ZC3H4: variants seen among roughly 807,000 people sequenced by gnomAD.
ZC3H4 encodes zinc finger CCCH-type containing 4, also known as zinc finger CCCH domain-containing protein 4.
A neutral mutation model predicts 108.3 loss-of-function variants in ZC3H4; 13 were observed. That is an observed-to-expected ratio of 0.12 (90% CI 0.08 to 0.19). The LOEUF (loss-of-function observed/expected upper bound fraction) is 0.19. ZC3H4 is among the 10% of genes least tolerant of loss of function. The probability of loss-of-function intolerance (pLI) is 1.00; values close to 1 mark genes in which losing one functional copy is unlikely to be tolerated. For synonymous variants in ZC3H4, 917 were observed against 749.6 expected (o/e 1.22, Z -3.65); for missense variants, 1,734 against 1,838.8 (o/e 0.94, Z 1.04).
chr19:47,084,967 G>T, intron 8 of ZC3H4, 89 bp downstream of exon 8: 1 of 1,543,784 alleles, frequency 6.5e-7, no homozygotes, highest in Non-Finnish European at 8.8e-7. Flanking sequence ...TGGCAGCAAG[G>T]ATCAGCTTCA....
At position 47,067,817 on chromosome 19, in the gene ZC3H4, G is replaced by A. The variant is rs1287342297; in HGVS notation, c.2451C>T (p.Val817=). The A allele has an allele frequency of 6.2e-7, 1 of 1,608,372 alleles. No homozygotes were observed. Among genetic ancestry groups the A allele is most frequent in the Non-Finnish European group, 8.5e-7 (1 of 1,178,006 alleles). Residue 817 remains valine, a synonymous_variant, in exon 15 of 15, where the codon GTC becomes GTT. Coordinates refer to ENST00000253048, the MANE Select transcript of ZC3H4 (RefSeq NM_015168.2). The surrounding 1 kb of genome is among the most constrained non-coding windows in gnomAD (Gnocchi z 6.4). ...SSDEDEGGSS[V]TSILKTLRQQ... is the part of the protein sequence containing the mutation. ...GCCTCAAGGTCTTCAGGATGGAGGT[G>A]ACACTGCTTCCACCCTCATCCTCAT...
At chr19:47,070,868 C>T (rs1332201494) in intron 13 of ZC3H4, among the ~76,000 whole-genome samples, 1 of 152,186 alleles carries the variant, frequency 6.6e-6, no homozygotes, top group African/African-American at 2.4e-5. Context: ...CACGGGGCTC[C>T]CACTGCCCCA....
chr19:47,071,717 A>C, intron 13 of ZC3H4, 61 bp downstream of exon 13: 1 of 1,507,980 alleles, frequency 6.6e-7, no homozygotes, highest in East Asian at 2.3e-5. Context: ...ACATCTCCCC[A>C]ACTCTGCTCC....
At position 47,067,600 on chromosome 19, in the gene ZC3H4, G is replaced by A. The variant is rs760468969; in HGVS notation, c.2668C>T (p.Pro890Ser). 7 of 1,606,582 alleles carry A rather than the reference G, an allele frequency of 4.4e-6. No homozygotes were observed. Among genetic ancestry groups the A allele is most frequent in the Admixed American group, 3.4e-5 (2 of 59,446 alleles). The change falls in exon 15 of 15, where the codon CCT becomes TCT. Residue 890 changes from proline to serine, a missense_variant. Physicochemically the swap from Pro to Ser is moderately conservative, Grantham distance 74 (BLOSUM62 -1). Around this residue, in one of 9 missense-constraint regions of ZC3H4, gnomAD observed 540 missense variants for 484.1 expected, o/e 1.12. Coordinates refer to ENST00000253048, the MANE Select transcript of ZC3H4 (RefSeq NM_015168.2). The surrounding 1 kb of genome is among the most constrained non-coding windows in gnomAD (Gnocchi z 6.4). ...GTGGGCAGGGCGCGAGCCAGCCGAG[G>A]ATCGGAGGGTCCCGAATCACCTGGG... ...SGPGDSGPSD[P>S]RLARALPTSK...
chr19:47,112,193 G>A (rs1253545692), intron 2 of ZC3H4: 1 of 1,210,108 alleles, frequency 8.3e-7, no homozygotes, highest in Admixed American at 4.3e-5. Context: ...GAGAGCGAGG[G>A]AGAGCGGGCG....
intron 9 of ZC3H4, 94 bp from the exon 10 acceptor site, chr19:47,082,389 C>T: frequency 1.1e-6 from 1 of 923,244 alleles, no homozygotes; most frequent in Non-Finnish European, 1.8e-6. Flanking sequence ...ACTGCTGGTG[C>T]ATGGAGGGGC....
At chr19:47,103,825 T>C (rs1244824288) in intron 2 of ZC3H4, among the ~76,000 whole-genome samples, 2 of 150,068 alleles carry the variant, frequency 1.3e-5, no homozygotes, top group Non-Finnish European at 3.0e-5. Context: ...GCGCCTGTAG[T>C]CCCAGCTACT....
Position 47,066,983 on chromosome 19 carries a change from G to A in ZC3H4, c.3285C>T (p.Ala1095=), listed in dbSNP as rs746350746. 2.5e-6 allele frequency: 4 copies of A among 1,589,394 alleles called. No individual in the cohort carries two copies. Among genetic ancestry groups the A allele is most frequent in the Non-Finnish European group, 3.4e-6 (4 of 1,168,022 alleles). The change falls in exon 15 of 15, where the codon GCC becomes GCT. Residue 1095 remains alanine, a synonymous_variant. Coordinates refer to ENST00000253048, the MANE Select transcript of ZC3H4 (RefSeq NM_015168.2). ...AGGGCGCCTCAGCAGGGCCGGGCTT[G>A]GCAGCCCGGGAGGAGGCCGTAGAGT... is the stretch of plus-strand genomic sequence containing the variant. ...PTDSTASSRA[A]KPGPAEAPSP... is the part of the protein sequence containing the mutation.
Position 47,067,008 on chromosome 19 carries a change from T to G in ZC3H4, c.3260A>C (p.Asp1087Ala). The change falls in exon 15 of 15, where the codon GAC becomes GCC. Residue 1087 changes from aspartate (D) to alanine (A), a missense_variant. Around this residue, in one of 9 missense-constraint regions of ZC3H4, gnomAD observed 518 missense variants for 499.6 expected, o/e 1.04. Transcript: ENST00000253048. The surrounding 1 kb of genome is among the most constrained non-coding windows in gnomAD (Gnocchi z 6.4). ...PTDPRLQKPTDSTASSRAAKP... is the reference protein window; with the variant it reads ...PTDPRLQKPTASTASSRAAKP... ...GGCAGCCCGGGAGGAGGCCGTAGAG[T>G]CTGTGGGTTTCTGCAGCCGAGGGTC... 2 of 1,594,268 alleles carry G rather than the reference T, an allele frequency of 1.3e-6. No homozygotes were observed. Among genetic ancestry groups the G allele is most frequent in the Non-Finnish European group, 1.7e-6 (2 of 1,170,370 alleles).
chr19:47,106,729 C>T lies in ZC3H4; in HGVS notation c.161+5695G>A, dbSNP rs535952970. ...AAAGGCAGTAACAACCCTAGCCCGA[C>T]TCTAAATAAAGTCTTCATGATAGAA... On this transcript the variant is annotated intron_variant, in intron 2 of 14. Coordinates refer to ENST00000253048, the MANE Select transcript of ZC3H4 (RefSeq NM_015168.2). Among the ~76,000 whole-genome samples, 7 of 152,314 alleles carry T rather than the reference C, an allele frequency of 4.6e-5. No homozygotes were observed. The South Asian group carries it at 1.4e-3, about 32-fold the overall frequency.
At chr19:47,091,345 C>G (rs1006325118) in intron 4 of ZC3H4, among the ~76,000 whole-genome samples, 1 of 152,096 alleles carries the variant, frequency 6.6e-6, no homozygotes, top group African/African-American at 2.4e-5. Flanking sequence ...CCCAGGCAGG[C>G]AGATCTCTTG....
intron 2 of ZC3H4, chr19:47,112,176 A>G: frequency 8.6e-7 from 1 of 1,167,798 alleles, no homozygotes; most frequent in African/African-American, 1.6e-5. Flanking sequence ...CCCAAAAAAG[A>G]CAGAGCGAGA....
At chr19:47,108,375 G>A (rs180935854) in intron 2 of ZC3H4, among the ~76,000 whole-genome samples, 1 of 152,178 alleles carries the variant, frequency 6.6e-6, no homozygotes, top group East Asian at 1.9e-4. Context: ...TTCACCAGAG[G>A]TATTTACTGT....
chr19:47,093,145 G>A (rs1490341613), intron 4 of ZC3H4, among the ~76,000 whole-genome samples: 2 of 142,456 alleles, frequency 1.4e-5, no homozygotes, highest in Admixed American at 7.5e-5. Context: ...GACCCCAGGA[G>A]ACAGAGCTTG....
In ZC3H4 at chr19:47,069,281, G is replaced by A. The variant is rs1381507058; in HGVS notation, c.2209C>T (p.Pro737Ser). ...EPGEHLFPEH[P>S]LEPDSFSEGG... ...TCAGAGAAGCTGTCGGGCTCCAGAG[G>A]GTGCTCAGGGAAGAGGTGCTCCCCA... Residue 737 changes from proline (P) to serine (S), a missense_variant, in exon 14 of 15, where the codon CCT (proline) becomes TCT (serine). Coordinates refer to ENST00000253048, the MANE Select transcript of ZC3H4 (RefSeq NM_015168.2). 2 of 1,613,774 alleles carry A rather than the reference G, an allele frequency of 1.2e-6. No homozygotes were observed. Among genetic ancestry groups the A allele is most frequent in the African/African-American group, 1.3e-5 (1 of 74,908 alleles).
chr19:47,085,516 G>A, intron 6 of ZC3H4, 102 bp from the exon 7 acceptor site: 1 of 1,067,240 alleles, frequency 9.4e-7, no homozygotes, highest in South Asian at 1.7e-5. Flanking sequence ...TGACCATCCA[G>A]GGGACTCATA....
chr19:47,102,232 G>C (rs1228560649), intron 2 of ZC3H4, among the ~76,000 whole-genome samples: 1 of 152,160 alleles, frequency 6.6e-6, no homozygotes. Flanking sequence ...GTCACAGCAG[G>C]AAGAAGCAGA....
chr19:47,082,413 G>T, intron 9 of ZC3H4, 118 bp from the exon 10 acceptor site: 1 of 756,234 alleles, frequency 1.3e-6, no homozygotes, highest in Non-Finnish European at 2.3e-6. Flanking sequence ...TGACAGAAAC[G>T]AATCCCCCTT....
At chr19:47,084,482 A>C (rs766825697) in intron 8 of ZC3H4, 27 bp from the exon 9 acceptor site, 2 of 1,611,384 alleles carry the variant, frequency 1.2e-6, no homozygotes, top group Non-Finnish European at 1.7e-6. Flanking sequence ...GTGGACGTAA[A>C]GGGGAATGAA....
Sources: gnomAD v4.1 joint callset for allele counts (sites outside exome capture counted in the v4.1 genomes callset) on GRCh38, gnomAD v4.1.1 for gene constraint, gnomAD v4.1.1 regional missense constraint, Gnocchi (gnomAD v3.1) non-coding constraint, MANE v1.5 for transcripts, NCBI Gene and HGNC (gene_info 2026-07-23, HGNC 2026-07-21) for gene names.